Variants in MMD2 observed in about 807,000 individuals in gnomAD.
MMD2 encodes the protein monocyte to macrophage differentiation associated 2.
A neutral mutation model predicts 33.5 loss-of-function variants in MMD2; 30 were observed. The observed-to-expected ratio is 0.90, with a 90% CI of 0.67 to 1.22. The LOEUF (loss-of-function observed/expected upper bound fraction) is 1.22, where lower values mean the gene tolerates loss of function less well. Ranked by LOEUF, MMD2 falls within the 50% of genes most tolerant of loss-of-function variation. The probability of loss-of-function intolerance (pLI) is 0.00; values close to 1 mark genes in which losing one functional copy is unlikely to be tolerated. For missense variants in MMD2, 364 were observed against 325.4 expected (o/e 1.12, Z -0.91); for synonymous variants, 129 against 123.0 (o/e 1.05, Z -0.32).
In MMD2 at chr7:4,940,545, C is replaced by T. The variant is rs898437162; in HGVS notation, c.48-15013G>A. On this transcript the variant is annotated intron_variant, in intron 1 of 6. Transcript: ENST00000401401. The surrounding 1 kb of genome is among the most constrained non-coding windows in gnomAD (Gnocchi z 5.0). ...CACGCAGGGCCAAGTTGGCCCCGGC[C>T]GTGCTAAGCCTCTCTCCCCCTCTCC... Among the ~76,000 whole-genome samples, 4 of 152,324 alleles carry T rather than the reference C, an allele frequency of 2.6e-5. No individual in the cohort carries two copies. The highest frequency in any genetic ancestry group is 3.9e-4 in the East Asian group (2 of 5,174).
At position 4,946,241 on chromosome 7, in the gene MMD2, G is replaced by A. The variant is rs1215505256; in HGVS notation, c.47+12730C>T. Among the ~76,000 whole-genome samples, 1 of 151,592 alleles carries A rather than the reference G, an allele frequency of 6.6e-6. No homozygotes were observed. Among genetic ancestry groups the A allele is most frequent in the African/African-American group, 2.4e-5 (1 of 41,240 alleles). ...CATGCACACATACACGCACACACAC[G>A]CACACCCCACCCCGTGCACACAATC... On this transcript the variant is annotated intron_variant, in intron 1 of 6. Transcript: ENST00000401401. This position sits in a 1 kb window ranked among gnomAD's most constrained non-coding sequence, Gnocchi z 5.0.
At chr7:4,939,738 CTTTCTTTT>C (rs1056406580) in intron 1 of MMD2, among the ~76,000 whole-genome samples, 8 of 135,144 alleles carry the variant, frequency 5.9e-5, no homozygotes, top group African/African-American at 2.4e-4. Context: ...TTCTTTCTTT[CTTTCTTTT>C]TTTTTTTTTT....
At chr7:4,943,423 G>A (rs555387438) in intron 1 of MMD2, among the ~76,000 whole-genome samples, 22 of 152,074 alleles carry the variant, frequency 1.4e-4, no homozygotes, top group Admixed American at 1.2e-3. Context: ...GATTACAGGC[G>A]TGCGCCACCG....
At chr7:4,913,851 C>A (rs55687835) in intron 4 of MMD2, among the ~76,000 whole-genome samples, 2 of 151,336 alleles carry the variant, frequency 1.3e-5, no homozygotes, top group Admixed American at 1.3e-4. Flanking sequence ...TTAGTAGAGA[C>A]GGGGTTTCAC....
intron 1 of MMD2, among the ~76,000 whole-genome samples, chr7:4,936,246 C>A (rs10951729): frequency 0.13 from 18,860 of 149,944 alleles, 1,474 homozygotes; most frequent in East Asian, 0.32. Context: ...CAAAGATGTT[C>A]ATCAAAATCA....
In MMD2 at chr7:4,910,022, T is replaced by A. The variant is rs1283122119; in HGVS notation, c.468-72A>T. The A allele has an allele frequency of 3.7e-6, 6 of 1,613,840 alleles. No homozygotes were observed. The Middle Eastern group carries it at 8.3e-4, about 224-fold the overall frequency. On this transcript the variant is annotated intron_variant, in intron 5 of 6. Coordinates refer to ENST00000401401, the MANE Select transcript of MMD2 (RefSeq NM_198403.4). ...GAAGAAACTGCACACAGCTCCCTGTTCTTGGGGAAGAGGGAACACTCTGGC... is the reference window on the plus strand; with the variant it reads ...GAAGAAACTGCACACAGCTCCCTGTACTTGGGGAAGAGGGAACACTCTGGC...
chr7:4,946,584 T>C lies in MMD2; in HGVS notation c.47+12387A>G, dbSNP rs914130470. On this transcript the variant is annotated intron_variant, in intron 1 of 6. Coordinates refer to ENST00000401401, the MANE Select transcript of MMD2 (RefSeq NM_198403.4). The surrounding 1 kb of genome is among the most constrained non-coding windows in gnomAD (Gnocchi z 5.0). ...CACCAGGTGAGAGGCTGCTGAGTAA[T>C]AGGATGCTGAAAAGGACCTCAGTAT... Among the ~76,000 whole-genome samples, 2 of 152,080 alleles carry C rather than the reference T, an allele frequency of 1.3e-5. No homozygotes were observed. The highest frequency in any genetic ancestry group is 4.1e-4 in the South Asian group (2 of 4,824).
chr7:4,923,495 C>T (rs1676379866), intron 2 of MMD2, among the ~76,000 whole-genome samples: 2 of 152,182 alleles, frequency 1.3e-5, no homozygotes, highest in African/African-American at 4.8e-5. Flanking sequence ...TTCAGCAACA[C>T]TCACAGCCAC....
chr7:4,928,300 T>G (rs926841733), intron 1 of MMD2, among the ~76,000 whole-genome samples: 3 of 152,182 alleles, frequency 2.0e-5, no homozygotes, highest in African/African-American at 7.2e-5. Context: ...GGGCACTTTC[T>G]GTATGCTGGC....
Position 4,907,230 on chromosome 7 carries a change from C to T in MMD2, c.*166G>A. On this transcript the variant is annotated 3_prime_UTR_variant, in exon 7 of 7. Coordinates refer to ENST00000401401, the MANE Select transcript of MMD2 (RefSeq NM_198403.4). ...GAATGGCTAAATGCTTTCTTTCTCG[C>T]TGGGGACTCGAGGGATGATCTGGCT... 1 of 635,766 alleles carries T rather than the reference C, an allele frequency of 1.6e-6. No individual in the cohort carries two copies. The highest frequency in any genetic ancestry group is 1.9e-5 in the South Asian group (1 of 51,468). 39.4% of individuals were successfully genotyped at this position (635,766 alleles called of 1,614,324 possible).
intron 1 of MMD2, among the ~76,000 whole-genome samples, chr7:4,945,241 T>TTCTTCTTCTTC (rs1562493940): frequency 1.8e-4 from 26 of 147,450 alleles, no homozygotes; most frequent in African/African-American, 5.8e-4. Flanking sequence ...TTCTTCTTCC[T>TTCTTCTTCTTC]CTCTCTCTTT....
chr7:4,938,643 CA>C (rs1232147177), intron 1 of MMD2, among the ~76,000 whole-genome samples: 1 of 151,976 alleles, frequency 6.6e-6, no homozygotes, highest in Non-Finnish European at 1.5e-5. Context: ...CGAAACACAG[CA>C]AGGGGCAAGG....
chr7:4,954,671 G>A (rs7804721), intron 1 of MMD2, among the ~76,000 whole-genome samples: 19,928 of 151,982 alleles, frequency 0.13, 1,477 homozygotes, highest in East Asian at 0.33. Flanking sequence ...CTCCCACCTC[G>A]GCCTCCCAAA....
At chr7:4,956,151 A>T (rs568928386) in intron 1 of MMD2, among the ~76,000 whole-genome samples, 2 of 152,188 alleles carry the variant, frequency 1.3e-5, no homozygotes, top group South Asian at 4.2e-4. Context: ...AGCTGGGTGC[A>T]GTGGCTCATG....
chr7:4,944,760 CTTTTTTTTTTTTT>C (rs142716643), intron 1 of MMD2, among the ~76,000 whole-genome samples: 1 of 75,276 alleles, frequency 1.3e-5, no homozygotes, highest in Non-Finnish European at 2.3e-5. Context: ...TCTTCTTCTT[CTTTTTTTTTTTTT>C]TTTTTTTTTT....
At chr7:4,903,768 T>C (rs1784824966), downstream of MMD2, among the ~76,000 whole-genome samples, 1 of 152,288 alleles carries the variant, frequency 6.6e-6, no homozygotes, top group African/African-American at 2.4e-5. Flanking sequence ...TGAGCGCAGG[T>C]GCAGAGGCCA....
the MMD2 span, among the ~76,000 whole-genome samples, chr7:4,900,482 C>T: frequency 6.6e-6 from 1 of 152,098 alleles, no homozygotes; most frequent in African/African-American, 2.4e-5. Context: ...GTAGCATTCA[C>T]CCATCACCAT....
At chr7:4,944,899 C>G (rs1195619621) in intron 1 of MMD2, among the ~76,000 whole-genome samples, 3 of 151,086 alleles carry the variant, frequency 2.0e-5, no homozygotes, top group African/African-American at 4.9e-5. Flanking sequence ...TCCTGAATAG[C>G]TGGGACTACA....
chr7:4,908,863 T>C (rs1026361298), intron 6 of MMD2, among the ~76,000 whole-genome samples: 13 of 149,836 alleles, frequency 8.7e-5, no homozygotes, highest in Admixed American at 2.0e-4. Context: ...TGCCACTGCA[T>C]TCCACGCTGG....
Sources: allele counts gnomAD v4.1 joint callset (sites outside exome capture counted in the v4.1 genomes callset), GRCh38; gene constraint gnomAD v4.1.1; non-coding constraint Gnocchi (gnomAD v3.1); transcripts MANE v1.5; gene names NCBI Gene and HGNC (gene_info 2026-07-23, HGNC 2026-07-21).